The following KIAA0319 variants were observed in gnomAD, a reference collection of about 807,000 sequenced individuals.
KIAA0319 encodes KIAA0319.
Under a neutral mutation model 108.4 loss-of-function variants are expected in KIAA0319, and 83 were observed. The ratio of observed to expected loss-of-function variants is 0.77; its 90% CI spans 0.64 to 0.92. The LOEUF is 0.92. Ranked by LOEUF, KIAA0319 falls within the 40% of genes least tolerant of loss-of-function variation. The pLI, the probability that KIAA0319 is intolerant of heterozygous loss-of-function variation, is 0.00. For synonymous variants in KIAA0319, 484 were observed against 510.4 expected (o/e 0.95, Z 0.70); for missense variants, 1,195 against 1,322.4 (o/e 0.90, Z 1.49).
intron 7 of KIAA0319, among the ~76,000 whole-genome samples, 192 bp downstream of exon 7, chr6:24,580,734 T>G (rs1233131313): frequency 3.3e-5 from 5 of 151,960 alleles, no homozygotes; most frequent in Non-Finnish European, 5.9e-5. Context: ...GTCAAGCAAG[T>G]ACAAAGTGTT....
intron 1 of KIAA0319, among the ~76,000 whole-genome samples, chr6:24,638,486 C>A (rs1426076824): frequency 6.6e-6 from 1 of 152,074 alleles, no homozygotes; most frequent in Non-Finnish European, 1.5e-5. Context: ...GGCAGCCGGG[C>A]GTGGTGGCTC....
At position 24,595,980 on chromosome 6, in the gene KIAA0319, T is replaced by C. The variant is rs1562025047; in HGVS notation, c.694A>G (p.Arg232Gly). The change falls in exon 3 of 21, where the codon AGA becomes GGA. Residue 232 changes from arginine to glycine, a missense_variant. Arg to Gly is a moderately radical substitution (Grantham distance 125). Transcript: ENST00000378214. ...ASTPAPKLPE[R>G]SVLLPLPTTP... Reference sequence around the variant, plus strand: ...GTCGGCAAGGGAAGCAACACACTTCTCTCAGGGAGTTTTGGGGCAGGGGTT... The same window carrying C: ...GTCGGCAAGGGAAGCAACACACTTCCCTCAGGGAGTTTTGGGGCAGGGGTT... 1.2e-6 allele frequency: 2 copies of C among 1,614,030 alleles called. No individual in the cohort carries two copies. The highest frequency in any genetic ancestry group is 1.7e-6 in the Non-Finnish European group (2 of 1,180,042).
At position 24,566,643 on chromosome 6, in the gene KIAA0319, A is replaced by C; in HGVS notation, c.2246T>G (p.Ile749Ser). Residue 749 changes from isoleucine (I) to serine (S), a missense_variant, in exon 14 of 21, where the codon ATT becomes AGT. Transcript: ENST00000378214. Reference sequence around the variant, plus strand: ...ATCCCGGATCCACAGATAGGACACAATTCTTTGGTCATCAGTAGACCTTGA... The same window carrying C: ...ATCCCGGATCCACAGATAGGACACACTTCTTTGGTCATCAGTAGACCTTGA... ...DGSRSTDDQR[I>S]VSYLWIRDGQ... 4 of 1,613,188 alleles carry C rather than the reference A, an allele frequency of 2.5e-6. No individual in the cohort carries two copies. Among genetic ancestry groups the C allele is most frequent in the Non-Finnish European group, 3.4e-6 (4 of 1,179,642 alleles).
chr6:24,571,846 G>A (rs760411744), intron 11 of KIAA0319, among the ~76,000 whole-genome samples: 1 of 152,176 alleles, frequency 6.6e-6, no homozygotes, highest in Non-Finnish European at 1.5e-5. Flanking sequence ...TCTCACCCAG[G>A]TGAGTGCTCT....
At chr6:24,641,209 T>C (rs534877151) in intron 1 of KIAA0319, among the ~76,000 whole-genome samples, 1 of 152,376 alleles carries the variant, frequency 6.6e-6, no homozygotes, top group African/African-American at 2.4e-5. Flanking sequence ...TCAAGGTTCA[T>C]CCATGTTGCA....
At chr6:24,604,880 A>G (rs1771173981) in intron 1 of KIAA0319, among the ~76,000 whole-genome samples, 1 of 152,064 alleles carries the variant, frequency 6.6e-6, no homozygotes, top group Admixed American at 6.6e-5. Context: ...CGCTCTTGTC[A>G]CCCAGGCTGG....
chr6:24,574,692 G>A (rs950401681), intron 10 of KIAA0319, among the ~76,000 whole-genome samples: 2 of 151,958 alleles, frequency 1.3e-5, no homozygotes, highest in Non-Finnish European at 2.9e-5. Flanking sequence ...GTTTCTATGT[G>A]TATTTTTTAA....
intron 1 of KIAA0319, among the ~76,000 whole-genome samples, chr6:24,622,644 G>C (rs1356170070): frequency 6.6e-6 from 1 of 152,166 alleles, no homozygotes; most frequent in Non-Finnish European, 1.5e-5. Flanking sequence ...TTAGGCCCAG[G>C]ATCTGTTCTT....
intron 1 of KIAA0319, among the ~76,000 whole-genome samples, chr6:24,633,117 A>G (rs1208145111): frequency 1.3e-5 from 2 of 152,182 alleles, no homozygotes; most frequent in African/African-American, 4.8e-5. Flanking sequence ...GATTTTTTTC[A>G]TACTCAAACT....
At chr6:24,569,405 G>A (rs905359333) in intron 12 of KIAA0319, among the ~76,000 whole-genome samples, 1 of 152,092 alleles carries the variant, frequency 6.6e-6, no homozygotes, top group African/African-American at 2.4e-5. Context: ...CTTACTATCT[G>A]GGCAACCTTA....
chr6:24,641,607 C>T (rs1228200637), intron 1 of KIAA0319, among the ~76,000 whole-genome samples: 2 of 150,614 alleles, frequency 1.3e-5, no homozygotes, highest in Non-Finnish European at 2.9e-5. Flanking sequence ...TCCTATACTA[C>T]AATAAATTTT....
chr6:24,615,684 A>G (rs944908118), intron 1 of KIAA0319, among the ~76,000 whole-genome samples: 4 of 152,234 alleles, frequency 2.6e-5, no homozygotes, highest in African/African-American at 9.6e-5. Flanking sequence ...TACTCTGAAG[A>G]TATAACCACC....
chr6:24,595,496 G>C (rs1769342983), intron 3 of KIAA0319, among the ~76,000 whole-genome samples: 1 of 134,538 alleles, frequency 7.4e-6, no homozygotes, highest in African/African-American at 3.0e-5. Context: ...GCAGTGAGCT[G>C]AGATCATGCC....
chr6:24,634,469 T>C (rs1228301476), intron 1 of KIAA0319, among the ~76,000 whole-genome samples: 2 of 152,220 alleles, frequency 1.3e-5, no homozygotes, highest in Admixed American at 1.3e-4. Context: ...TCACAATGAA[T>C]ATTAAAATGT....
intron 1 of KIAA0319, among the ~76,000 whole-genome samples, chr6:24,605,066 C>T (rs948546375): frequency 6.6e-6 from 1 of 152,194 alleles, no homozygotes; most frequent in African/African-American, 2.4e-5. Flanking sequence ...GTCTCGATCT[C>T]CTGACCTCAG....
At chr6:24,550,484 G>T (rs1454415203) in intron 20 of KIAA0319, among the ~76,000 whole-genome samples, 1 of 152,218 alleles carries the variant, frequency 6.6e-6, no homozygotes, top group Non-Finnish European at 1.5e-5. Context: ...GTTTCATTAA[G>T]TATGCAACAG....
At chr6:24,584,881 T>C (rs1015640527) in intron 4 of KIAA0319, among the ~76,000 whole-genome samples, 10 of 152,234 alleles carry the variant, frequency 6.6e-5, no homozygotes, top group Admixed American at 1.3e-4. Context: ...CAGTAGGTTC[T>C]ATTAAAACCC....
chr6:24,642,722 ATTTT>A (rs34139616), intron 1 of KIAA0319, among the ~76,000 whole-genome samples: 1 of 148,832 alleles, frequency 6.7e-6, no homozygotes, highest in African/African-American at 2.5e-5. Context: ...CCTTTGCTGC[ATTTT>A]TTTTTTTTTT....
At chr6:24,626,274 G>C (rs1293758454) in intron 1 of KIAA0319, among the ~76,000 whole-genome samples, 3 of 152,218 alleles carry the variant, frequency 2.0e-5, no homozygotes, top group African/African-American at 7.2e-5. Flanking sequence ...GCTTGTGCCT[G>C]TCATCCCACA....
Sources: allele counts gnomAD v4.1 joint callset (sites outside exome capture counted in the v4.1 genomes callset), GRCh38; gene constraint gnomAD v4.1.1; transcripts MANE v1.5; gene names NCBI Gene and HGNC (gene_info 2026-07-23, HGNC 2026-07-21).